SLCO5A1: variants seen among roughly 807,000 people sequenced by gnomAD.
The protein encoded by SLCO5A1 is solute carrier organic anion transporter family member 5A1.
Under a neutral mutation model 65.1 loss-of-function variants are expected in SLCO5A1, and 39 were observed. That is an observed-to-expected ratio of 0.60 (90% CI 0.46 to 0.78). SLCO5A1 has a LOEUF of 0.78. SLCO5A1 is among the 30% of genes least tolerant of loss of function. The probability of loss-of-function intolerance (pLI) is 0.00; values close to 1 mark genes in which losing one functional copy is unlikely to be tolerated. For synonymous variants in SLCO5A1, 438 were observed against 415.7 expected, an observed-to-expected ratio of 1.05 and a Z score of -0.65; for missense variants, 1,029 against 1,069.4, an observed-to-expected ratio of 0.96 and a Z score of 0.53.
chr8:69,803,644 G>A (rs1285439771), intron 2 of SLCO5A1, among the ~76,000 whole-genome samples: 1 of 152,178 alleles, frequency 6.6e-6, no homozygotes, highest in African/African-American at 2.4e-5. Flanking sequence ...TCTTAGGGGT[G>A]GAGCCCAGCA....
At chr8:69,748,655 CATT>C (rs1308919582) in intron 4 of SLCO5A1, among the ~76,000 whole-genome samples, 1 of 152,200 alleles carries the variant, frequency 6.6e-6, no homozygotes, top group Non-Finnish European at 1.5e-5. Context: ...ATATAATCAT[CATT>C]ATCAGAAACA....
intron 9 of SLCO5A1, 75 bp downstream of exon 9, chr8:69,676,534 A>G (rs538131920): frequency 7.6e-7 from 1 of 1,310,464 alleles, no homozygotes; most frequent in East Asian, 2.3e-5. Context: ...ATGACTTGCC[A>G]TTTTTAAAGG....
In SLCO5A1 at chr8:69,668,040, A is replaced by T. The variant is rs1024258842; in HGVS notation, c.*4829T>A. On this transcript the variant is annotated 3_prime_UTR_variant, in exon 10 of 10. Coordinates refer to ENST00000260126, the MANE Select transcript of SLCO5A1 (RefSeq NM_030958.3). ...GCGTCATTAAATACTTTTTAGCACC[A>T]AGGCATTTTTTTTAATGTTGCAAAA... 6.6e-6 allele frequency: 1 copy of T among 152,222 alleles called. No individual in the cohort carries two copies. The highest frequency in any genetic ancestry group is 1.5e-5 in the Non-Finnish European group (1 of 68,034). The allele number at this position is 152,222 out of a possible 1,614,324, so 9.4% of individuals were successfully genotyped here. A position where few individuals can be genotyped will look rare whatever the true frequency, so the allele number is the denominator to read the frequency against.
chr8:69,670,159 A>C lies in SLCO5A1; in HGVS notation c.*2710T>G, dbSNP rs952611572. 3.9e-5 allele frequency: 6 copies of C among 152,252 alleles called. No individual in the cohort carries two copies. Among genetic ancestry groups the C allele is most frequent in the Non-Finnish European group, 7.3e-5 (5 of 68,044 alleles). 9.4% of individuals were successfully genotyped at this position (152,252 alleles called of 1,614,324 possible). Reference sequence around the variant, plus strand: ...TTTGCATATTAAAGCTAAATAATATATGAATTTACAGTTTATAAAGGACAA... The same window carrying C: ...TTTGCATATTAAAGCTAAATAATATCTGAATTTACAGTTTATAAAGGACAA... On this transcript the variant is annotated 3_prime_UTR_variant, in exon 10 of 10. Transcript: ENST00000260126.
At chr8:69,695,754 T>A (rs994198761) in intron 6 of SLCO5A1, among the ~76,000 whole-genome samples, 1 of 152,104 alleles carries the variant, frequency 6.6e-6, no homozygotes, top group African/African-American at 2.4e-5. Flanking sequence ...AGTTAGGAAA[T>A]GATGGAGCCA....
At chr8:69,787,904 T>A (rs1819107435) in intron 2 of SLCO5A1, among the ~76,000 whole-genome samples, 1 of 152,154 alleles carries the variant, frequency 6.6e-6, no homozygotes, top group Non-Finnish European at 1.5e-5. Context: ...CAAACTGACT[T>A]AAAAACACTC....
intron 2 of SLCO5A1, among the ~76,000 whole-genome samples, chr8:69,807,995 G>C (rs955770581): frequency 6.6e-6 from 1 of 152,136 alleles, no homozygotes; most frequent in African/African-American, 2.4e-5. Context: ...GAGCCACCGC[G>C]CCCAGCTCAG....
At chr8:69,767,535 G>A (rs1421682136) in intron 2 of SLCO5A1, among the ~76,000 whole-genome samples, 2 of 152,132 alleles carry the variant, frequency 1.3e-5, no homozygotes, top group East Asian at 3.9e-4. Flanking sequence ...GGTTATCATA[G>A]GCATGAAAGG....
chr8:69,819,415 A>G (rs1196816144), intron 2 of SLCO5A1, among the ~76,000 whole-genome samples: 3 of 151,860 alleles, frequency 2.0e-5, no homozygotes, highest in African/African-American at 4.8e-5. Flanking sequence ...GGCCAAGCCT[A>G]TTTATTTCTG....
At chr8:69,697,746 T>C (rs1307683416) in intron 6 of SLCO5A1, among the ~76,000 whole-genome samples, 3 of 152,106 alleles carry the variant, frequency 2.0e-5, no homozygotes, top group Non-Finnish European at 4.4e-5. Context: ...AAATGAGAAC[T>C]AAGGCTGAAA....
intron 4 of SLCO5A1, 49 bp downstream of exon 4, chr8:69,755,375 G>A: frequency 1.3e-6 from 2 of 1,495,308 alleles, no homozygotes; most frequent in Non-Finnish European, 1.9e-6. Context: ...ACTATGAGTA[G>A]CACTGATCAA....
At chr8:69,681,674 C>G (rs1337680556) in intron 7 of SLCO5A1, among the ~76,000 whole-genome samples, 1 of 152,150 alleles carries the variant, frequency 6.6e-6, no homozygotes, top group East Asian at 1.9e-4. Context: ...AGGGAATTCT[C>G]AAAATAGCCT....
intron 2 of SLCO5A1, chr8:69,772,822 T>A: frequency 1.9e-6 from 1 of 536,462 alleles, no homozygotes; most frequent in Non-Finnish European, 2.4e-6. Flanking sequence ...CACTCATCCA[T>A]GCACTCTGTG....
chr8:69,679,352 C>G, intron 8 of SLCO5A1, 26 bp downstream of exon 8: 3 of 1,613,614 alleles, frequency 1.9e-6, no homozygotes, highest in Non-Finnish European at 2.5e-6. Flanking sequence ...ACAGAACCCA[C>G]CCCAGAAGTT....
chr8:69,828,447 A>T (rs1821017236), intron 2 of SLCO5A1, among the ~76,000 whole-genome samples: 2 of 151,828 alleles, frequency 1.3e-5, no homozygotes, highest in Non-Finnish European at 2.9e-5. Flanking sequence ...CTAAAAATAC[A>T]AAAAATTAGC....
intron 4 of SLCO5A1, among the ~76,000 whole-genome samples, chr8:69,740,470 A>C (rs987927960): frequency 1.3e-5 from 2 of 152,184 alleles, no homozygotes; most frequent in African/African-American, 2.4e-5. Flanking sequence ...AGATAGACAG[A>C]TAGATAAATA....
At chr8:69,733,747 T>C (rs1307023295) in intron 5 of SLCO5A1, among the ~76,000 whole-genome samples, 1 of 152,206 alleles carries the variant, frequency 6.6e-6, no homozygotes. Context: ...ATGTAAGACG[T>C]GCCTCTTCCC....
chr8:69,757,705 G>T (rs1165700092), intron 3 of SLCO5A1, among the ~76,000 whole-genome samples: 1 of 151,990 alleles, frequency 6.6e-6, no homozygotes, highest in Non-Finnish European at 1.5e-5. Context: ...AACTAAAAAG[G>T]TCATCTGTCT....
chr8:69,767,256 T>C (rs1325621525), intron 2 of SLCO5A1, among the ~76,000 whole-genome samples: 1 of 152,222 alleles, frequency 6.6e-6, no homozygotes, highest in Non-Finnish European at 1.5e-5. Context: ...AATCATTCCA[T>C]TCATCTGAGA....
Sources: allele counts gnomAD v4.1 joint callset (sites outside exome capture counted in the v4.1 genomes callset), GRCh38; gene constraint gnomAD v4.1.1; transcripts MANE v1.5; gene names NCBI Gene and HGNC (gene_info 2026-07-23, HGNC 2026-07-21).